SCHIP1: variants seen among roughly 807,000 people sequenced by gnomAD.
The protein encoded by SCHIP1 is schwannomin-interacting protein 1.
SCHIP1 carries 8 observed loss-of-function variants against 29.7 expected under a neutral mutation model. That is an observed-to-expected ratio of 0.27 (90% CI 0.16 to 0.49). SCHIP1 has a LOEUF of 0.49. SCHIP1 is among the 20% of genes least tolerant of loss of function. The pLI is 0.99. For synonymous variants in SCHIP1, 76 were observed against 94.9 expected (o/e 0.80, Z 1.16); for missense variants, 193 against 294.6 (o/e 0.66, Z 2.52).
chr3:159,610,491 A>C, the SCHIP1 span, among the ~76,000 whole-genome samples: 1 of 152,074 alleles, frequency 6.6e-6, no homozygotes, highest in Non-Finnish European at 1.5e-5. Context: ...TTGTTTTCTC[A>C]CTTTGAATGC....
At chr3:159,606,731 G>A in the SCHIP1 span, among the ~76,000 whole-genome samples, 1 of 152,150 alleles carries the variant, frequency 6.6e-6, no homozygotes, top group Admixed American at 6.6e-5. Flanking sequence ...ATATAATCAT[G>A]CGATAATACA....
the SCHIP1 span, among the ~76,000 whole-genome samples, chr3:159,384,553 T>C: frequency 6.7e-6 from 1 of 150,166 alleles, no homozygotes; most frequent in Non-Finnish European, 1.5e-5. Context: ...TCATCAAGGA[T>C]ATTGGTCTAA....
the SCHIP1 span, among the ~76,000 whole-genome samples, chr3:159,378,316 T>C: frequency 6.6e-6 from 1 of 152,146 alleles, no homozygotes; most frequent in African/African-American, 2.4e-5. Flanking sequence ...CACAATAAGG[T>C]GGCATGTAGA....
chr3:159,361,790 G>T, the SCHIP1 span, among the ~76,000 whole-genome samples: 2 of 152,140 alleles, frequency 1.3e-5, no homozygotes, highest in African/African-American at 4.8e-5. Flanking sequence ...TTTGGGTGTG[G>T]GTTGTGATTT....
the SCHIP1 span, among the ~76,000 whole-genome samples, chr3:159,808,884 G>A: frequency 6.6e-6 from 1 of 152,024 alleles, no homozygotes; most frequent in African/African-American, 2.4e-5. Flanking sequence ...ATGAACCTGG[G>A]AGACAGAGGT....
At chr3:159,345,578 CTCACTCACTCAT>C in the SCHIP1 span, among the ~76,000 whole-genome samples, 1 of 150,280 alleles carries the variant, frequency 6.7e-6, no homozygotes, top group South Asian at 2.1e-4. Context: ...CTCTCTCTCT[CTCACTCACTCAT>C]TCACTCACAC....
At chr3:159,699,174 A>G in the SCHIP1 span, among the ~76,000 whole-genome samples, 2 of 152,206 alleles carry the variant, frequency 1.3e-5, no homozygotes, top group Non-Finnish European at 2.9e-5. Context: ...TAATGTTTCT[A>G]TTCTTTGGGC....
At chr3:159,553,435 T>C in the SCHIP1 span, among the ~76,000 whole-genome samples, 2 of 152,212 alleles carry the variant, frequency 1.3e-5, no homozygotes, top group Admixed American at 6.5e-5. Context: ...ATTGTCTAGA[T>C]GTTCAATGTA....
chr3:159,692,423 T>G, the SCHIP1 span, among the ~76,000 whole-genome samples: 1 of 152,210 alleles, frequency 6.6e-6, no homozygotes, highest in African/African-American at 2.4e-5. Context: ...TGTTTGTTTC[T>G]TTTTATTCTT....
At chr3:159,739,085 T>C in the SCHIP1 span, among the ~76,000 whole-genome samples, 1 of 152,108 alleles carries the variant, frequency 6.6e-6, no homozygotes, top group South Asian at 2.1e-4. Flanking sequence ...AATGCTAGAG[T>C]TGAGGGCAGG....
chr3:159,408,686 A>G, the SCHIP1 span, among the ~76,000 whole-genome samples: 1 of 152,208 alleles, frequency 6.6e-6, no homozygotes, highest in African/African-American at 2.4e-5. Context: ...CAATGGCTTC[A>G]CTGCTGACTT....
At chr3:159,395,459 T>C in the SCHIP1 span, among the ~76,000 whole-genome samples, 1 of 151,896 alleles carries the variant, frequency 6.6e-6, no homozygotes, top group Non-Finnish European at 1.5e-5. Context: ...GGGCATTTAG[T>C]GCTATAAATT....
At chr3:159,353,592 A>T in the SCHIP1 span, among the ~76,000 whole-genome samples, 1 of 152,224 alleles carries the variant, frequency 6.6e-6, no homozygotes, top group South Asian at 2.1e-4. Context: ...TCTGTCGTAT[A>T]CAAAAGTAAA....
At chr3:159,846,485 G>A (rs1711856869) in intron 1 of SCHIP1, among the ~76,000 whole-genome samples, 1 of 152,210 alleles carries the variant, frequency 6.6e-6, no homozygotes, top group Non-Finnish European at 1.5e-5. Context: ...CAGGACAAGT[G>A]AGGACTAGTC....
chr3:159,705,970 G>T, the SCHIP1 span, among the ~76,000 whole-genome samples: 5 of 152,158 alleles, frequency 3.3e-5, no homozygotes, highest in South Asian at 8.3e-4. Context: ...CTCCCAAAGT[G>T]CTGGGATTAC....
At chr3:159,299,856 T>A in the SCHIP1 span, among the ~76,000 whole-genome samples, 173 of 152,122 alleles carry the variant, frequency 1.1e-3, no homozygotes, top group African/African-American at 3.9e-3. Flanking sequence ...TCAAAGAAGG[T>A]TCAAACATAC....
At chr3:159,797,314 C>T in the SCHIP1 span, among the ~76,000 whole-genome samples, 2 of 152,166 alleles carry the variant, frequency 1.3e-5, no homozygotes, top group African/African-American at 4.8e-5. Flanking sequence ...CTTGTAATTT[C>T]CTCAGTCTTA....
chr3:159,878,699 A>C (rs535531983), intron 2 of SCHIP1, among the ~76,000 whole-genome samples: 1 of 144,632 alleles, frequency 6.9e-6, no homozygotes, highest in Admixed American at 6.9e-5. Context: ...AATGGCATGA[A>C]CCCGGGAGGC....
the SCHIP1 span, among the ~76,000 whole-genome samples, chr3:159,517,413 A>G: frequency 6.6e-6 from 1 of 152,192 alleles, no homozygotes; most frequent in Admixed American, 6.5e-5. Flanking sequence ...TTTAAGATAT[A>G]AATACATGCC....
Sources: allele counts gnomAD v4.1 joint callset (sites outside exome capture counted in the v4.1 genomes callset), GRCh38; gene constraint gnomAD v4.1.1; transcripts MANE v1.5; gene names NCBI Gene and HGNC (gene_info 2026-07-23, HGNC 2026-07-21).